Variants in SH3GL2 observed in about 807,000 individuals in gnomAD.
SH3GL2 encodes the protein endophilin-A1.
Under a neutral mutation model 46.0 loss-of-function variants are expected in SH3GL2, and 24 were observed. The observed-to-expected ratio is 0.52, with a 90% CI of 0.38 to 0.73. The LOEUF (loss-of-function observed/expected upper bound fraction) is 0.73, where lower values mean the gene tolerates loss of function less well. SH3GL2 is among the 30% of genes least tolerant of loss of function. The pLI is 0.00. For synonymous variants in SH3GL2, 196 were observed against 147.1 expected, an observed-to-expected ratio of 1.33 and a Z score of -2.40; for missense variants, 413 against 424.2, an observed-to-expected ratio of 0.97 and a Z score of 0.23.
At chr9:17,606,390 C>T (rs918593734) in intron 1 of SH3GL2, among the ~76,000 whole-genome samples, 2 of 152,202 alleles carry the variant, frequency 1.3e-5, no homozygotes, top group African/African-American at 4.8e-5. Context: ...CATGCCCGCT[C>T]AGACCCCACA....
At position 17,795,865 on chromosome 9, in the gene SH3GL2, C is replaced by T. The variant is rs1288051437; in HGVS notation, c.*122C>T. The T allele has an allele frequency of 1.6e-5, 12 of 755,484 alleles. No individual in the cohort carries two copies. In the East Asian group the frequency reaches 3.2e-4, roughly 20 times the overall value. 46.8% of individuals were successfully genotyped at this position (755,484 alleles called of 1,614,324 possible). The stretch of plus-strand genomic sequence containing the variant: ...CGCAGTGGTCCACGTCATCCAGCCC[C>T]ACCAAGTGACTTTGGTTGACTTGTG... On this transcript the variant is annotated 3_prime_UTR_variant, in exon 9 of 9. Transcript: ENST00000380607.
chr9:17,615,917 C>G (rs1234876929), intron 1 of SH3GL2, among the ~76,000 whole-genome samples: 1 of 152,018 alleles, frequency 6.6e-6, no homozygotes, highest in African/African-American at 2.4e-5. Flanking sequence ...TTTACTTTTT[C>G]TACTGCATGA....
intron 1 of SH3GL2, among the ~76,000 whole-genome samples, chr9:17,695,761 G>T (rs925312817): frequency 6.7e-5 from 10 of 149,818 alleles, no homozygotes; most frequent in African/African-American, 2.5e-4. Flanking sequence ...AATAAGCACA[G>T]AAAAATCTAT....
rs1563786407 is a variant in SH3GL2, at chr9:17,622,981, CT to C, written c.45+43697del. Among the ~76,000 whole-genome samples the C allele has an allele frequency of 2.8e-3, 226 of 79,558 alleles. 5 individuals are homozygous for C. Among genetic ancestry groups the C allele is most frequent in the African/African-American group, 9.4e-3 (187 of 19,812 alleles). 52.2% of individuals were successfully genotyped at this position (79,558 alleles called of 152,430 possible). Reference sequence around the variant, plus strand: ...CCTCCCTCCCTTTTCCTTTCGTTTCCTTTCGTTTCCTTTCCTTTCCTTTCCT... The same window carrying C: ...CCTCCCTCCCTTTTCCTTTCGTTTCCTTCGTTTCCTTTCCTTTCCTTTCCT... On this transcript the variant is annotated intron_variant, in intron 1 of 8. Coordinates refer to ENST00000380607, the MANE Select transcript of SH3GL2 (RefSeq NM_003026.5).
In SH3GL2 at chr9:17,679,354, T is replaced by A. The variant is rs145855682; in HGVS notation, c.46-67712T>A. On this transcript the variant is annotated intron_variant, in intron 1 of 8. Coordinates refer to ENST00000380607, the MANE Select transcript of SH3GL2 (RefSeq NM_003026.5). Reference sequence around the variant, plus strand: ...CCTTGAAGAGGTCCTTCACATCCCTTGTAAGTTGGATTCCTAGGTATTTTA... The same window carrying A: ...CCTTGAAGAGGTCCTTCACATCCCTAGTAAGTTGGATTCCTAGGTATTTTA... Among the ~76,000 whole-genome samples, 143 of 152,328 alleles carry A rather than the reference T, an allele frequency of 9.4e-4. 2 individuals are homozygous for A. The East Asian group carries it at 0.024, about 26-fold the overall frequency.
intron 1 of SH3GL2, among the ~76,000 whole-genome samples, chr9:17,725,841 G>C (rs1405189108): frequency 3.9e-5 from 6 of 152,162 alleles, no homozygotes; most frequent in African/African-American, 1.2e-4. Context: ...TAGGCAGCGA[G>C]AGGCACTGGC....
intron 1 of SH3GL2, among the ~76,000 whole-genome samples, chr9:17,588,509 A>T (rs1375429862): frequency 6.6e-6 from 1 of 152,198 alleles, no homozygotes; most frequent in Non-Finnish European, 1.5e-5. Context: ...AGGACTGGAC[A>T]TGCTGTTGTT....
At chr9:17,792,178 G>A (rs562689743) in intron 7 of SH3GL2, among the ~76,000 whole-genome samples, 6 of 152,110 alleles carry the variant, frequency 3.9e-5, no homozygotes, top group Admixed American at 2.0e-4. Context: ...ACCTGTTTTC[G>A]TTGTTTTCCC....
chr9:17,608,147 CTTT>C (rs58474566), intron 1 of SH3GL2, among the ~76,000 whole-genome samples: 1 of 120,344 alleles, frequency 8.3e-6, no homozygotes. Flanking sequence ...AAGCTTTCCT[CTTT>C]TTTTTTTTTT....
At chr9:17,675,415 A>G (rs1424238014) in intron 1 of SH3GL2, among the ~76,000 whole-genome samples, 1 of 152,212 alleles carries the variant, frequency 6.6e-6, no homozygotes, top group Non-Finnish European at 1.5e-5. Flanking sequence ...GATAAAGTTC[A>G]CATAAAGCTA....
intron 1 of SH3GL2, among the ~76,000 whole-genome samples, chr9:17,698,388 C>T (rs996196016): frequency 6.6e-6 from 1 of 152,112 alleles, no homozygotes; most frequent in Non-Finnish European, 1.5e-5. Flanking sequence ...GATTACATAA[C>T]AGAGATAGAG....
At chr9:17,698,056 C>A (rs1335518407) in intron 1 of SH3GL2, among the ~76,000 whole-genome samples, 2 of 152,160 alleles carry the variant, frequency 1.3e-5, no homozygotes, top group Non-Finnish European at 2.9e-5. Context: ...TTGGTGTCAA[C>A]CTTACATATA....
intron 8 of SH3GL2, 101 bp downstream of exon 8, chr9:17,793,598 T>TA (rs1824195462): frequency 9.2e-7 from 1 of 1,085,288 alleles, no homozygotes; most frequent in Admixed American, 2.3e-5. Context: ...GCATAGGAAA[T>TA]ATGCAGTAAT....
rs959768834 is a variant in SH3GL2 at position 17,595,178 on chromosome 9, A to T, written c.45+15891A>T. Among the ~76,000 whole-genome samples, 7 of 152,342 alleles carry T rather than the reference A, an allele frequency of 4.6e-5. No homozygotes were observed. The East Asian group carries it at 5.8e-4, about 13-fold the overall frequency. ...GATTGAAACCACACCACCTGGTTTC[A>T]GAGCCAGTAACTGCCAGTAGTTTTT... On this transcript the variant is annotated intron_variant, in intron 1 of 8. Coordinates refer to ENST00000380607, the MANE Select transcript of SH3GL2 (RefSeq NM_003026.5).
intron 3 of SH3GL2, among the ~76,000 whole-genome samples, chr9:17,782,193 C>A (rs1227946112): frequency 6.6e-6 from 1 of 152,110 alleles, no homozygotes. Context: ...AGTGTAACCT[C>A]CTTATTGATT....
chr9:17,745,837 T>G (rs1822666703), intron 1 of SH3GL2, among the ~76,000 whole-genome samples: 1 of 152,150 alleles, frequency 6.6e-6, no homozygotes, highest in Non-Finnish European at 1.5e-5. Context: ...TCAACCTAGC[T>G]GCTATTGAAG....
At chr9:17,730,646 T>C (rs1822153088) in intron 1 of SH3GL2, among the ~76,000 whole-genome samples, 1 of 152,122 alleles carries the variant, frequency 6.6e-6, no homozygotes, top group Non-Finnish European at 1.5e-5. Context: ...CAATACCTGG[T>C]TTATTAAGTG....
chr9:17,729,544 G>A (rs1822116252), intron 1 of SH3GL2, among the ~76,000 whole-genome samples: 1 of 152,136 alleles, frequency 6.6e-6, no homozygotes. Context: ...CCATGCCTAT[G>A]TCCTGAATGG....
rs72717241 is a variant in SH3GL2 at position 17,785,422 on chromosome 9, C to T, written c.188-959C>T. On this transcript the variant is annotated intron_variant, in intron 3 of 8. Transcript: ENST00000380607. ...TAACTTTTCTCATCTCTATTCAATG[C>T]CTCTAAGACTCAAAGTTTAAATAAA... 9.3e-4 allele frequency among the ~76,000 whole-genome samples: 141 copies of T among 152,246 alleles called. 1 individual carries two copies. Among genetic ancestry groups the T allele is most frequent in the Non-Finnish European group, 1.3e-3 (89 of 68,012 alleles).
Sources: gnomAD v4.1 joint callset for allele counts (sites outside exome capture counted in the v4.1 genomes callset) on GRCh38, gnomAD v4.1.1 for gene constraint, MANE v1.5 for transcripts, NCBI Gene and HGNC (gene_info 2026-07-23, HGNC 2026-07-21) for gene names.